Variants in NFATC2 observed in about 807,000 individuals in gnomAD.
NFATC2 encodes nuclear factor of activated T cells 2.
In NFATC2, 22 loss-of-function variants were observed where a neutral mutation model predicts 87.3. The observed-to-expected ratio is 0.25, with a 90% CI of 0.18 to 0.36. The LOEUF (loss-of-function observed/expected upper bound fraction) is 0.36. NFATC2 is among the 10% of genes least tolerant of loss of function. The pLI is 1.00. For synonymous variants in NFATC2, 565 were observed against 542.2 expected (o/e 1.04, Z -0.58); for missense variants, 1,149 against 1,259.1 (o/e 0.91, Z 1.32).
At chr20:51,463,611 G>A (rs1987374672) in intron 5 of NFATC2, among the ~76,000 whole-genome samples, 1 of 152,142 alleles carries the variant, frequency 6.6e-6, no homozygotes, top group African/African-American at 2.4e-5. Flanking sequence ...CAGGCAGCCG[G>A]GACAGAGAAA....
intron 6 of NFATC2, among the ~76,000 whole-genome samples, chr20:51,443,932 A>AT (rs1302015630): frequency 2.0e-5 from 3 of 151,906 alleles, no homozygotes; most frequent in African/African-American, 7.3e-5. Flanking sequence ...AAAAAAAAAA[A>AT]CAAAAAAAAT....
intron 9 of NFATC2, among the ~76,000 whole-genome samples, chr20:51,403,394 G>A (rs1414115626): frequency 6.6e-6 from 1 of 152,184 alleles, no homozygotes; most frequent in Non-Finnish European, 1.5e-5. Flanking sequence ...GTATTCATGG[G>A]TGACACTGCA....
chr20:51,432,477 A>T lies in NFATC2; in HGVS notation c.2312T>A (p.Met771Lys). 6.4e-7 allele frequency: 1 copy of T among 1,554,984 alleles called. No homozygotes were observed. The highest frequency in any genetic ancestry group is 8.7e-7 in the Non-Finnish European group (1 of 1,150,298). ...GTCCGCAAGGGACAGCGGGGCGGCC[A>T]TGAGGGCCGGCTGCTGATAGCCCAG... ...SLLGYQQPAL[M>K]AAPLSLADAH... The change falls in exon 9 of 11, where the codon ATG becomes AAG. Residue 771 changes from methionine (M) to lysine (K), a missense_variant. Physicochemically the swap from Met to Lys is moderately conservative, Grantham distance 95. Around this residue, in one of 3 missense-constraint regions of NFATC2, gnomAD observed 581 missense variants for 649.7 expected, o/e 0.89. Coordinates refer to ENST00000371564, the MANE Select transcript of NFATC2 (RefSeq NM_012340.5). This position sits in a 1 kb window ranked among gnomAD's most constrained non-coding sequence, Gnocchi z 4.6.
At position 51,432,351 on chromosome 20, in the gene NFATC2, T is replaced by C. The variant is rs1446128292; in HGVS notation, c.2438A>G (p.Tyr813Cys). ...GCGCAGCTGCTGGTTGGTGGGTGAGTAGTGGATCACAGGCGAGGCCTGCTG... is the reference window on the plus strand; with the variant it reads ...GCGCAGCTGCTGGTTGGTGGGTGAGCAGTGGATCACAGGCGAGGCCTGCTG... ...TNQQASPVIHYSPTNQQLRCG... is the reference protein window; with the variant it reads ...TNQQASPVIHCSPTNQQLRCG... The change falls in exon 9 of 11, where the codon TAC (tyrosine) becomes TGC (cysteine). Residue 813 changes from tyrosine (Y) to cysteine (C), a missense_variant. By Grantham distance (194) the Tyr-to-Cys change is radical. Around this residue, in one of 3 missense-constraint regions of NFATC2, gnomAD observed 581 missense variants for 649.7 expected, o/e 0.89. Coordinates refer to ENST00000371564, the MANE Select transcript of NFATC2 (RefSeq NM_012340.5). This position sits in a 1 kb window ranked among gnomAD's most constrained non-coding sequence, Gnocchi z 4.6. 5.0e-6 allele frequency: 8 copies of C among 1,613,720 alleles called. No homozygotes were observed. The highest frequency in any genetic ancestry group is 1.7e-4 in the Middle Eastern group (1 of 6,060).
intron 6 of NFATC2, among the ~76,000 whole-genome samples, chr20:51,447,548 G>A (rs1985226739): frequency 6.6e-6 from 1 of 152,198 alleles, no homozygotes; most frequent in African/African-American, 2.4e-5. Context: ...GTCGCTCAAA[G>A]CCATGGCAAC....
chr20:51,414,547 G>C (rs374859047), intron 9 of NFATC2, among the ~76,000 whole-genome samples: 1 of 152,158 alleles, frequency 6.6e-6, no homozygotes, highest in African/African-American at 2.4e-5. Context: ...AAATTAGCCA[G>C]GTGTGGTGGC....
chr20:51,561,489 AAGCAAGCAAGCAAGC>A (rs1568765954), intron 1 of NFATC2, among the ~76,000 whole-genome samples: 1,343 of 87,048 alleles, frequency 0.015, 11 homozygotes, highest in Admixed American at 0.02. Flanking sequence ...GAAAGAAAGC[AAGCAAGCAAGCAAGC>A]AAGCAAGCAA....
At chr20:51,551,373 T>C (rs920972243) in intron 1 of NFATC2, among the ~76,000 whole-genome samples, 2 of 152,126 alleles carry the variant, frequency 1.3e-5, no homozygotes, top group African/African-American at 4.8e-5. Flanking sequence ...GGAAAATGAG[T>C]AATGTTGATC....
At chr20:51,495,292 T>C (rs1414832048) in intron 3 of NFATC2, among the ~76,000 whole-genome samples, 3 of 152,206 alleles carry the variant, frequency 2.0e-5, no homozygotes, top group African/African-American at 7.2e-5. Context: ...TTCACCATGT[T>C]GCCCAGGCTG....
At chr20:51,489,820 A>G (rs1445462885) in intron 3 of NFATC2, among the ~76,000 whole-genome samples, 2 of 152,238 alleles carry the variant, frequency 1.3e-5, no homozygotes, top group Non-Finnish European at 2.9e-5. Flanking sequence ...AAATGTTCTC[A>G]TCCTCTTACT....
chr20:51,400,580 G>A (rs546780664), intron 9 of NFATC2, among the ~76,000 whole-genome samples: 5 of 152,300 alleles, frequency 3.3e-5, no homozygotes, highest in East Asian at 3.9e-4. Context: ...TGCAGCATTC[G>A]GAGGTGCAGC....
intron 5 of NFATC2, among the ~76,000 whole-genome samples, chr20:51,466,793 T>G (rs1987726832): frequency 6.6e-6 from 1 of 152,180 alleles, no homozygotes; most frequent in Non-Finnish European, 1.5e-5. Context: ...CTCCCTGGGC[T>G]GGGCGCAGTG....
In NFATC2 at chr20:51,496,951, C is replaced by G. The variant is rs542903190; in HGVS notation, c.1332+19833G>C. On this transcript the variant is annotated intron_variant, in intron 3 of 10. Coordinates refer to ENST00000371564, the MANE Select transcript of NFATC2 (RefSeq NM_012340.5). ...TTGCTGCCTATCCTGGCTGCCGCGA[C>G]AGCCCTGGAAGGCCCCAGGCAGGGT... Among the ~76,000 whole-genome samples, 166 of 152,356 alleles carry G rather than the reference C, an allele frequency of 1.1e-3. 1 individual carries two copies. Among genetic ancestry groups the G allele is most frequent in the African/African-American group, 3.8e-3 (159 of 41,586 alleles).
Position 51,391,298 on chromosome 20 carries a change from C to T in NFATC2, c.*198G>A, listed in dbSNP as rs528445478. 1.6e-4 allele frequency: 217 copies of T among 1,333,976 alleles called. No homozygotes were observed. The highest frequency in any genetic ancestry group is 4.5e-4 in the Admixed American group (27 of 59,550). 82.6% of individuals were successfully genotyped at this position (1,333,976 alleles called of 1,614,324 possible). ...CATACATTGATCCGCGTGTGGACTC[C>T]GGGCTGGGAGATGAACATGAAAGGA... is the stretch of plus-strand genomic sequence containing the variant. On this transcript the variant is annotated 3_prime_UTR_variant, in exon 11 of 11. Transcript: ENST00000371564.
intron 3 of NFATC2, among the ~76,000 whole-genome samples, chr20:51,508,878 C>T (rs1029820286): frequency 6.6e-6 from 1 of 152,154 alleles, no homozygotes; most frequent in South Asian, 2.1e-4. Context: ...CCCCTCTGGC[C>T]TGGGCCTCTG....
intron 5 of NFATC2, among the ~76,000 whole-genome samples, chr20:51,458,234 G>A (rs1171954172): frequency 6.6e-6 from 1 of 152,150 alleles, no homozygotes; most frequent in Admixed American, 6.5e-5. Context: ...ATTTGGAGCT[G>A]GGTAATTCTT....
At chr20:51,433,758 C>CGTGT (rs1568971612) in intron 8 of NFATC2, among the ~76,000 whole-genome samples, 3 of 88,926 alleles carry the variant, frequency 3.4e-5, no homozygotes, top group Non-Finnish European at 4.9e-5. Flanking sequence ...TTCATGCATG[C>CGTGT]ATGTGTGTGT....
At chr20:51,475,157 T>C (rs1988600546) in intron 4 of NFATC2, among the ~76,000 whole-genome samples, 1 of 151,942 alleles carries the variant, frequency 6.6e-6, no homozygotes, top group African/African-American at 2.4e-5. Context: ...TTAATAGAGA[T>C]GGGGTTTCAC....
At chr20:51,411,562 C>G in intron 9 of NFATC2, among the ~76,000 whole-genome samples, 1 of 112,888 alleles carries the variant, frequency 8.9e-6, no homozygotes, top group Non-Finnish European at 1.7e-5. Context: ...GAGTCTTGCT[C>G]TTTCTCCCAG....
Sources: gnomAD v4.1 joint callset for allele counts (sites outside exome capture counted in the v4.1 genomes callset) on GRCh38, gnomAD v4.1.1 for gene constraint, gnomAD v4.1.1 regional missense constraint, Gnocchi (gnomAD v3.1) non-coding constraint, MANE v1.5 for transcripts, NCBI Gene and HGNC (gene_info 2026-07-23, HGNC 2026-07-21) for gene names.